LRCH3: variants seen among roughly 807,000 people sequenced by gnomAD.
The protein encoded by LRCH3 is DISP complex protein LRCH3.
LRCH3 carries 68 observed loss-of-function variants against 104.5 expected under a neutral mutation model. The ratio of observed to expected loss-of-function variants is 0.65; its 90% confidence interval spans 0.54 to 0.80. LRCH3 has a LOEUF of 0.80. Among genes scored for constraint, LRCH3 ranks in the 30% least tolerant of loss-of-function variants. The pLI, the probability that LRCH3 is intolerant of heterozygous loss-of-function variation, is 0.00. For synonymous variants in LRCH3, 344 were observed against 361.3 expected, an observed-to-expected ratio of 0.95 and a Z score of 0.54; for missense variants, 951 against 953.9, an observed-to-expected ratio of 1.00 and a Z score of 0.04.
chr3:197,820,860 TTGTG>T (rs1008410001), intron 4 of LRCH3, among the ~76,000 whole-genome samples: 1 of 150,388 alleles, frequency 6.6e-6, no homozygotes. Context: ...CTGTGTGTGT[TTGTG>T]TGTGTGTGAG....
Position 197,884,766 on chromosome 3 carries a change from C to G in LRCH3, c.*1100C>G, listed in dbSNP as rs1009219195. 1.3e-5 allele frequency: 2 copies of G among 151,982 alleles called. No homozygotes were observed. Among genetic ancestry groups the G allele is most frequent in the Non-Finnish European group, 1.5e-5 (1 of 68,032 alleles). The allele number at this position is 151,982 out of a possible 1,614,324, so 9.4% of individuals were successfully genotyped here. On this transcript the variant is annotated 3_prime_UTR_variant, in exon 21 of 21. Coordinates refer to ENST00000425562, the MANE Select transcript of LRCH3 (RefSeq NM_001365715.1). The stretch of plus-strand genomic sequence containing the variant: ...GGCAAAACAAAAATAATATAGAAGG[C>G]CTAGGTTTTGCATAGTCTTCTTTTT...
intron 12 of LRCH3, 74 bp downstream of exon 12, chr3:197,848,095 T>C: frequency 6.7e-7 from 1 of 1,496,016 alleles, no homozygotes; most frequent in Non-Finnish European, 9.1e-7. Flanking sequence ...GCCCGTTGGT[T>C]TTTATTGTCC....
In LRCH3 at chr3:197,850,572, C is replaced by G. The variant is rs547765176; in HGVS notation, c.1531-1989C>G. On this transcript the variant is annotated intron_variant, in intron 12 of 20. Coordinates refer to ENST00000425562, the MANE Select transcript of LRCH3 (RefSeq NM_001365715.1). ...AATCCGACCATGAGCTCTGTAGGTC[C>G]GGCGGCACATCTCAGGTGCTTTGTT... The G allele has an allele frequency of 1.1e-5, 17 of 1,585,920 alleles. No homozygotes were observed. In the South Asian group the frequency reaches 1.9e-4, roughly 17 times the overall value.
intron 10 of LRCH3, among the ~76,000 whole-genome samples, chr3:197,844,830 A>G (rs9758392): frequency 0.88 from 133,915 of 151,932 alleles, 59,123 homozygotes; most frequent in Non-Finnish European, 0.9. Context: ...CATGTTGACC[A>G]GGATGGCCTC....
Position 197,829,637 on chromosome 3 carries a change from C to T in LRCH3, c.851C>T (p.Pro284Leu), listed in dbSNP as rs35040867. The change falls in exon 6 of 21, where the codon CCG becomes CTG. Residue 284 changes from proline to leucine, a missense_variant. Coordinates refer to ENST00000425562, the MANE Select transcript of LRCH3 (RefSeq NM_001365715.1). Reference sequence around the variant, plus strand: ...GCTTGTAAGATTGCTCCAGATCTGCCGGATTATGATAGGAGACCGTTGGGT... The same window carrying T: ...GCTTGTAAGATTGCTCCAGATCTGCTGGATTATGATAGGAGACCGTTGGGT... ...IQACKIAPDL[P>L]DYDRRPLGFG... 1.3e-4 allele frequency: 209 copies of T among 1,613,136 alleles called. No homozygotes were observed. The African/African-American group carries it at 2.4e-3, about 18-fold the overall frequency.
chr3:197,825,463 G>GTTTTTTTTT (rs1491060533), intron 4 of LRCH3, among the ~76,000 whole-genome samples: 4 of 29,362 alleles, frequency 1.4e-4, no homozygotes, highest in Non-Finnish European at 2.1e-4. Flanking sequence ...GATCCTCTTT[G>GTTTTTTTTT]ATTTTTTTTT....
At chr3:197,825,424 T>A (rs540778221) in intron 4 of LRCH3, among the ~76,000 whole-genome samples, 1 of 150,008 alleles carries the variant, frequency 6.7e-6, no homozygotes, top group East Asian at 1.9e-4. Flanking sequence ...TGAATTATTT[T>A]GAATTGGATG....
intron 20 of LRCH3, chr3:197,880,474 G>C (rs1713654500): frequency 6.8e-7 from 1 of 1,465,252 alleles, no homozygotes; most frequent in Non-Finnish European, 9.2e-7. Flanking sequence ...CACTGACTTT[G>C]TTTTTCTGTT....
At chr3:197,812,503 A>ATTTTTTTTTTTTT (rs1439272123) in intron 1 of LRCH3, among the ~76,000 whole-genome samples, 2 of 8,590 alleles carry the variant, frequency 2.3e-4, no homozygotes, top group South Asian at 3.4e-3. Flanking sequence ...CTCTGCTTTC[A>ATTTTTTTTTTTTT]GTTTTTTTTT....
chr3:197,869,744 T>C lies in LRCH3; in HGVS notation c.1874-416T>C, dbSNP rs1235120006. The stretch of plus-strand genomic sequence containing the variant: ...GAGGTAGAAAGCGATGCACTGTACC[T>C]GCAGGAGGTAGAAAGCGATGCACTG... On this transcript the variant is annotated intron_variant, in intron 17 of 20. Coordinates refer to ENST00000425562, the MANE Select transcript of LRCH3 (RefSeq NM_001365715.1). Among the ~76,000 whole-genome samples, 159 of 124,414 alleles carry C rather than the reference T, an allele frequency of 1.3e-3. 1 individual carries two copies. The highest frequency in any genetic ancestry group is 4.6e-4 in the Non-Finnish European group (28 of 60,600). 81.6% of individuals were successfully genotyped at this position (124,414 alleles called of 152,430 possible).
chr3:197,807,808 TGTCA>T (rs1420759107), intron 1 of LRCH3, among the ~76,000 whole-genome samples: 1 of 152,216 alleles, frequency 6.6e-6, no homozygotes, highest in Non-Finnish European at 1.5e-5. Context: ...AAGTCCAACT[TGTCA>T]GTCTATTGGT....
At position 197,838,660 on chromosome 3, in the gene LRCH3, T is replaced by C. The variant is rs114645770; in HGVS notation, c.1252-661T>C. Among the ~76,000 whole-genome samples, 703 of 152,388 alleles carry C rather than the reference T, an allele frequency of 4.6e-3. 7 individuals carry two copies. The highest frequency in any genetic ancestry group is 8.3e-3 in the Non-Finnish European group (562 of 68,040). On this transcript the variant is annotated intron_variant, in intron 9 of 20. Transcript: ENST00000425562. ...TAATTTTATTTTTCAGTGCGTGGTC[T>C]GTATTTTAAACCAGTTTAATTTTCC...
At chr3:197,871,531 T>G in intron 19 of LRCH3, 69 bp downstream of exon 19, 1 of 1,589,324 alleles carries the variant, frequency 6.3e-7, no homozygotes, top group Non-Finnish European at 8.6e-7. Flanking sequence ...GACAGACATT[T>G]CTTAAGCATT....
chr3:197,840,712 T>TAGCTCA lies in LRCH3; in HGVS notation c.1328+1315_1328+1316insAGCTCA, dbSNP rs1737678932. ...GACTGAGCTATAGATGGAATAAATG[T>TAGCTCA]GTAGGGAGAAAAAAGACAGACATCA... On this transcript the variant is annotated intron_variant, in intron 10 of 20. Coordinates refer to ENST00000425562, the MANE Select transcript of LRCH3 (RefSeq NM_001365715.1). Among the ~76,000 whole-genome samples, 5 of 129,332 alleles carry TAGCTCA rather than the reference T, an allele frequency of 3.9e-5. No homozygotes were observed. In the Admixed American group the frequency reaches 4.1e-4, roughly 11 times the overall value. The allele number at this position is 129,332 out of a possible 152,430, so 84.8% of individuals were successfully genotyped here. A position where few individuals can be genotyped will look rare whatever the true frequency, so the allele number is the denominator to read the frequency against.
chr3:197,847,174 T>G lies in LRCH3; in HGVS notation c.1329-235T>G, dbSNP rs538188357. The stretch of plus-strand genomic sequence containing the variant: ...ACTGTATTGTTGGTATTGGCTGACA[T>G]AGACAGTTGATACCACATGAAACGT... On this transcript the variant is annotated intron_variant, in intron 10 of 20. Transcript: ENST00000425562. 4.6e-5 allele frequency among the ~76,000 whole-genome samples: 7 copies of G among 152,354 alleles called. No homozygotes were observed. The East Asian group carries it at 9.6e-4, about 21-fold the overall frequency.
In LRCH3 at chr3:197,833,365, G is replaced by GAAAAAA. The variant is rs71166710; in HGVS notation, c.1102+1069_1102+1074dup. Among the ~76,000 whole-genome samples, 12 of 33,338 alleles carry GAAAAAA rather than the reference G, an allele frequency of 3.6e-4. 4 individuals carry two copies. Among genetic ancestry groups the GAAAAAA allele is most frequent in the African/African-American group, 9.8e-4 (7 of 7,124 alleles). 21.9% of individuals were successfully genotyped at this position (33,338 alleles called of 152,430 possible). On this transcript the variant is annotated intron_variant, in intron 8 of 20. Coordinates refer to ENST00000425562, the MANE Select transcript of LRCH3 (RefSeq NM_001365715.1). ...TGAAACCCCATCTCTACTAAAAACCGAAAAAAAAAAAAAAAAAAAAAAAAA... is the reference window on the plus strand; with the variant it reads ...TGAAACCCCATCTCTACTAAAAACCGAAAAAAAAAAAAAAAAAAAAAAAAAAAAAAA...
At position 197,810,928 on chromosome 3, in the gene LRCH3, C is replaced by T. The variant is rs1424896517; in HGVS notation, c.263-3980C>T. Among the ~76,000 whole-genome samples the T allele has an allele frequency of 6.6e-6, 1 of 152,074 alleles. No individual in the cohort carries two copies. The highest frequency in any genetic ancestry group is 1.5e-5 in the Non-Finnish European group (1 of 68,018). ...CATTAGAAAAACTATGTTTTGTGAT[C>T]TCCCTGGGTTACATAATTAATATTA... On this transcript the variant is annotated intron_variant, in intron 1 of 20. Coordinates refer to ENST00000425562, the MANE Select transcript of LRCH3 (RefSeq NM_001365715.1). This position sits in a 1 kb window ranked among gnomAD's most constrained non-coding sequence, Gnocchi z 4.0.
intron 10 of LRCH3, among the ~76,000 whole-genome samples, chr3:197,844,726 C>T (rs1362279378): frequency 1.3e-5 from 2 of 152,074 alleles, no homozygotes; most frequent in Non-Finnish European, 2.9e-5. Flanking sequence ...CAAGCGATTC[C>T]CCTGCCTCAG....
chr3:197,792,577 TTATATATATATATATA>T lies in LRCH3; in HGVS notation c.262+1050_262+1065del, dbSNP rs11420466. Among the ~76,000 whole-genome samples, 21 of 20,346 alleles carry T rather than the reference TTATATATATATATATA, an allele frequency of 1.0e-3. 2 individuals are homozygous for T. Among genetic ancestry groups the T allele is most frequent in the East Asian group, 5.3e-3 (2 of 374 alleles). The allele number at this position is 20,346 out of a possible 152,430, so 13.3% of individuals were successfully genotyped here. A position where few individuals can be genotyped will look rare whatever the true frequency, so the allele number is the denominator to read the frequency against. On this transcript the variant is annotated intron_variant, in intron 1 of 20. Coordinates refer to ENST00000425562, the MANE Select transcript of LRCH3 (RefSeq NM_001365715.1). ...CAGCCGCCACCACGCCCAGCTAATT[TTATATATATATATATA>T]TATATATATATAAAATATACATATA... is the stretch of plus-strand genomic sequence containing the variant.
Sources: allele counts gnomAD v4.1 joint callset (sites outside exome capture counted in the v4.1 genomes callset), GRCh38; gene constraint gnomAD v4.1.1; non-coding constraint Gnocchi (gnomAD v3.1); transcripts MANE v1.5; gene names NCBI Gene and HGNC (gene_info 2026-07-23, HGNC 2026-07-21).